The following TEX15 variants were observed in gnomAD, a reference collection of about 807,000 sequenced individuals.
The protein encoded by TEX15 is testis expressed 15, meiosis and synapsis associated.
In TEX15, 171 loss-of-function variants were observed where a neutral mutation model predicts 237.3. The observed-to-expected ratio is 0.72, with a 90% CI of 0.64 to 0.82. TEX15 has a LOEUF of 0.82. Among genes scored for constraint, TEX15 ranks in the 40% least tolerant of loss-of-function variants. The pLI, the probability that TEX15 is intolerant of heterozygous loss-of-function variation, is 0.00. For synonymous variants in TEX15, 1,338 were observed against 1,269.8 expected, an observed-to-expected ratio of 1.05 and a Z score of -1.14; for missense variants, 3,750 against 3,646.5, an observed-to-expected ratio of 1.03 and a Z score of -0.73.
In TEX15 at chr8:30,845,824, G is replaced by C. The variant is rs1317506550; in HGVS notation, c.4343C>G (p.Ser1448Ter). Reference protein sequence around the residue: ...RKYYSTKHFSSKRKYDKRRKK... With the variant: ...RKYYSTKHFS Reference sequence around the variant, plus strand: ...TCTCCGTTTGTCATATTTTCTTTTTGACGAAAAATGCTTAGTAGAATAATA... The same window carrying C: ...TCTCCGTTTGTCATATTTTCTTTTTCACGAAAAATGCTTAGTAGAATAATA... The change falls in exon 8 of 11, where the codon TCA becomes TGA. Residue 1448 changes from serine to a stop codon, truncating the protein, a stop_gained. Transcript: ENST00000643185. LOFTEE classifies it high-confidence loss of function. The C allele has an allele frequency of 1.2e-6, 2 of 1,606,766 alleles. No individual in the cohort carries two copies. The highest frequency in any genetic ancestry group is 1.3e-5 in the African/African-American group (1 of 74,204).
Position 30,844,291 on chromosome 8 carries a change from G to A in TEX15, c.5876C>T (p.Pro1959Leu), listed in dbSNP as rs1807536778. The change falls in exon 8 of 11, where the codon CCT (proline) becomes CTT (leucine). Residue 1959 changes from proline to leucine, a missense_variant. Transcript: ENST00000643185. ...KPGILGVNHT[P>L]ILPAHSETCK... is the part of the protein sequence containing the mutation. ...GGTTTCAGAGTGGGCAGGTAAAATA[G>A]GCGTATGATTAACTCCTAGAATTCC... is the stretch of plus-strand genomic sequence containing the variant. 6.2e-7 allele frequency: 1 copy of A among 1,613,394 alleles called. No individual in the cohort carries two copies. The highest frequency in any genetic ancestry group is 1.3e-5 in the African/African-American group (1 of 74,996).
Position 30,860,058 on chromosome 8 carries a change from CT to C in TEX15, c.541-2del, listed in dbSNP as rs1808010200. 2.1e-6 allele frequency: 3 copies of C among 1,420,758 alleles called. No homozygotes were observed. Among genetic ancestry groups the C allele is most frequent in the African/African-American group, 1.5e-5 (1 of 65,780 alleles). 88.0% of individuals were successfully genotyped at this position (1,420,758 alleles called of 1,614,324 possible). ...TTTTCTTCACTTTTCCAAAGAGAAC[CT>C]AAAAAAAAAAAAGCCAAAAAAAAAG... On this transcript the variant is annotated splice_acceptor_variant, in intron 5 of 10. Transcript: ENST00000643185. LOFTEE classifies it high-confidence loss of function.
intron 3 of TEX15, among the ~76,000 whole-genome samples, chr8:30,883,699 G>A (rs183760674): frequency 6.6e-6 from 1 of 152,170 alleles, no homozygotes; most frequent in Admixed American, 6.5e-5. Context: ...TTTTATGGCC[G>A]CATATTCCAT....
intron 3 of TEX15, among the ~76,000 whole-genome samples, chr8:30,875,950 T>TACAGGC (rs1808393554): frequency 1.3e-5 from 2 of 152,184 alleles, no homozygotes; most frequent in South Asian, 4.2e-4. Flanking sequence ...TAGCTGGGAC[T>TACAGGC]ACAGGCACAG....
chr8:30,901,050 A>G (rs551170506), intron 1 of TEX15, among the ~76,000 whole-genome samples: 1 of 152,352 alleles, frequency 6.6e-6, no homozygotes, highest in South Asian at 2.1e-4. Context: ...AGGTGCGAGG[A>G]TAACTTGAGC....
rs1269230873 is a variant in TEX15, at chr8:30,844,556, C to CA, written c.5610dup (p.Glu1871Ter). The CA allele has an allele frequency of 1.2e-6, 2 of 1,611,920 alleles. No individual in the cohort carries two copies. Among genetic ancestry groups the CA allele is most frequent in the East Asian group, 2.2e-5 (1 of 44,854 alleles). On this transcript the variant is annotated frameshift_variant, in exon 8 of 11. Transcript: ENST00000643185. LOFTEE classifies it high-confidence loss of function. ...ATCTGATTCTTTTGATTTTTGTACTCAGTATTAACAGTTGATCCTTCAGTC... is the reference window on the plus strand; with the variant it reads ...ATCTGATTCTTTTGATTTTTGTACTCAAGTATTAACAGTTGATCCTTCAGTC...
rs759570760 is a variant in TEX15, at chr8:30,846,152, A to C, written c.4015T>G (p.Phe1339Val). The change falls in exon 8 of 11, where the codon TTC becomes GTC. Residue 1339 changes from phenylalanine (F) to valine (V), a missense_variant. Physicochemically the swap from Phe to Val is conservative, Grantham distance 50 (BLOSUM62 -1). Transcript: ENST00000643185. ...RLTSQDSSEC[F>V]SSLSQGRIKT... is the part of the protein sequence containing the mutation. ...ATTCGTCCTTGGGATAATGAAGAGA[A>C]ACACTCAGATGAGTCTTGACTGGTT... The C allele has an allele frequency of 6.2e-7, 1 of 1,613,502 alleles. No homozygotes were observed. Among genetic ancestry groups the C allele is most frequent in the South Asian group, 1.1e-5 (1 of 90,996 alleles).
chr8:30,843,250 C>G lies in TEX15; in HGVS notation c.6917G>C (p.Cys2306Ser). The G allele has an allele frequency of 6.2e-7, 1 of 1,613,156 alleles. No homozygotes were observed. Among genetic ancestry groups the G allele is most frequent in the Non-Finnish European group, 8.5e-7 (1 of 1,179,622 alleles). ...TATCTTCTGCAACTTAGAAAAGGCA[C>G]ATTTATTCACTCTGAGTAGCCTTTC... ...DEERLLRVNK[C>S]AFSKLQKIYD... The change falls in exon 8 of 11, where the codon TGT (cysteine) becomes TCT (serine). Residue 2306 changes from cysteine to serine, a missense_variant. Cys to Ser is a moderately radical substitution (Grantham distance 112). Transcript: ENST00000643185.
At chr8:30,901,763 G>T (rs562367202) in intron 1 of TEX15, among the ~76,000 whole-genome samples, 74 of 152,292 alleles carry the variant, frequency 4.9e-4, no homozygotes, top group African/African-American at 1.6e-3. Context: ...GTCTGAGGAA[G>T]TTTTCAAAGT....
chr8:30,886,278 G>A (rs1808643612), intron 3 of TEX15, among the ~76,000 whole-genome samples: 1 of 152,216 alleles, frequency 6.6e-6, no homozygotes, highest in South Asian at 2.1e-4. Flanking sequence ...CTATGCAGAG[G>A]TGAAGTTCTG....
At chr8:30,901,850 T>TA (rs1801639727) in intron 1 of TEX15, among the ~76,000 whole-genome samples, 1 of 152,222 alleles carries the variant, frequency 6.6e-6, no homozygotes, top group South Asian at 2.1e-4. Flanking sequence ...AAAAAACTAC[T>TA]ACTTAACAAA....
chr8:30,889,589 A>C (rs542380677), intron 2 of TEX15, among the ~76,000 whole-genome samples: 3 of 152,324 alleles, frequency 2.0e-5, no homozygotes, highest in Admixed American at 6.5e-5. Context: ...ATACTTTGCC[A>C]CAAAAAGCTA....
At chr8:30,836,660 C>T in intron 10 of TEX15, 143 bp downstream of exon 10, 1 of 749,550 alleles carries the variant, frequency 1.3e-6, no homozygotes, top group Admixed American at 3.0e-5. Context: ...CTGCCCAATC[C>T]ATTGGCAATT....
intron 2 of TEX15, among the ~76,000 whole-genome samples, chr8:30,893,295 A>G (rs1585312826): frequency 6.6e-6 from 1 of 152,348 alleles, no homozygotes; most frequent in African/African-American, 2.4e-5. Context: ...GAGTGAATGC[A>G]CTCAATCACG....
intron 1 of TEX15, among the ~76,000 whole-genome samples, chr8:30,901,789 T>C (rs939614550): frequency 6.6e-6 from 1 of 152,210 alleles, no homozygotes; most frequent in Non-Finnish European, 1.5e-5. Flanking sequence ...AAAAGTCTTA[T>C]GTTGAAAGAG....
In TEX15 at chr8:30,874,968, C is replaced by T; in HGVS notation, c.271G>A (p.Glu91Lys). Reference sequence around the variant, plus strand: ...GCAGTAAAATTTTTTTCCAGTTCCTCATTGTGAACCAGTTTTGTATCCCCA... The same window carrying T: ...GCAGTAAAATTTTTTTCCAGTTCCTTATTGTGAACCAGTTTTGTATCCCCA... ...QFGDTKLVHNEELEKNFTAKR... is the reference protein window; with the variant it reads ...QFGDTKLVHNKELEKNFTAKR... The change falls in exon 4 of 11, where the codon GAG becomes AAG. Residue 91 changes from glutamate to lysine, a missense_variant. Physicochemically the swap from Glu to Lys is moderately conservative, Grantham distance 56. Transcript: ENST00000643185. 7.4e-7 allele frequency: 1 copy of T among 1,359,140 alleles called. No homozygotes were observed. Among genetic ancestry groups the T allele is most frequent in the East Asian group, 2.7e-5 (1 of 37,344 alleles). The allele number at this position is 1,359,140 out of a possible 1,614,324, so 84.2% of individuals were successfully genotyped here. A position where few individuals can be genotyped will look rare whatever the true frequency, so the allele number is the denominator to read the frequency against.
chr8:30,862,268 A>T (rs1267685520), intron 5 of TEX15, among the ~76,000 whole-genome samples: 1 of 152,180 alleles, frequency 6.6e-6, no homozygotes, highest in African/African-American at 2.4e-5. Context: ...CTAAAAACCA[A>T]ATAACTTATA....
intron 1 of TEX15, among the ~76,000 whole-genome samples, chr8:30,906,246 T>C (rs1000574581): frequency 2.0e-5 from 3 of 152,174 alleles, no homozygotes; most frequent in East Asian, 1.9e-4. Flanking sequence ...CAAATAGTTA[T>C]ATTATTTATT....
intron 10 of TEX15, among the ~76,000 whole-genome samples, chr8:30,835,262 T>A (rs1807265480): frequency 6.6e-6 from 1 of 151,940 alleles, no homozygotes; most frequent in Non-Finnish European, 1.5e-5. Flanking sequence ...GTACTACCAC[T>A]CCCAGCTAAT....
Sources: gnomAD v4.1 joint callset for allele counts (sites outside exome capture counted in the v4.1 genomes callset) on GRCh38, gnomAD v4.1.1 for gene constraint, MANE v1.5 for transcripts, NCBI Gene and HGNC (gene_info 2026-07-23, HGNC 2026-07-21) for gene names.